MACROD2: variants seen among roughly 807,000 people sequenced by gnomAD.
The protein encoded by MACROD2 is ADP-ribose glycohydrolase MACROD2.
In MACROD2, 36 loss-of-function variants were observed where a neutral mutation model predicts 70.4. The ratio of observed to expected loss-of-function variants is 0.51; its 90% CI spans 0.39 to 0.68. The LOEUF is 0.68. MACROD2 is among the 30% of genes least tolerant of loss of function. The pLI is 0.00. For missense variants in MACROD2, 496 were observed against 538.4 expected (o/e 0.92, Z 0.78); for synonymous variants, 172 against 178.8 (o/e 0.96, Z 0.30).
intron 5 of MACROD2, among the ~76,000 whole-genome samples, chr20:14,780,894 A>C (rs1465318134): frequency 2.0e-5 from 3 of 152,132 alleles, no homozygotes; most frequent in African/African-American, 7.2e-5. Context: ...TTTTACAAAG[A>C]AACTTTTTTA....
At chr20:14,088,571 A>C (rs767123421) in intron 3 of MACROD2, among the ~76,000 whole-genome samples, 10 of 152,104 alleles carry the variant, frequency 6.6e-5, no homozygotes, top group African/African-American at 1.9e-4. Flanking sequence ...GATCATATCT[A>C]CTTCCTTTTT....
At chr20:16,029,695 A>G (rs1191815940) in intron 15 of MACROD2, among the ~76,000 whole-genome samples, 1 of 152,186 alleles carries the variant, frequency 6.6e-6, no homozygotes, top group Non-Finnish European at 1.5e-5. Context: ...AGGAGAGAAA[A>G]GGCCAAGGAA....
At chr20:14,778,074 C>A (rs2072255239) in intron 5 of MACROD2, among the ~76,000 whole-genome samples, 1 of 152,022 alleles carries the variant, frequency 6.6e-6, no homozygotes, top group Non-Finnish European at 1.5e-5. Context: ...CAACATGTTT[C>A]CCACAGATTG....
At chr20:15,977,599 A>T (rs1172476565) in intron 13 of MACROD2, among the ~76,000 whole-genome samples, 1 of 152,194 alleles carries the variant, frequency 6.6e-6, no homozygotes, top group Non-Finnish European at 1.5e-5. Flanking sequence ...GGTCCAATTA[A>T]ATAGACATTG....
At chr20:13,998,239 A>G (rs1286709405) in intron 1 of MACROD2, among the ~76,000 whole-genome samples, 1 of 152,030 alleles carries the variant, frequency 6.6e-6, no homozygotes, top group Non-Finnish European at 1.5e-5. Context: ...AGTTCTGAAG[A>G]CCACATATGT....
At chr20:14,223,012 T>C (rs566563138) in intron 3 of MACROD2, 1 of 152,322 alleles carries the variant, frequency 6.6e-6, no homozygotes, top group East Asian at 1.9e-4. Flanking sequence ...TAGGCTTTGC[T>C]TGCTCACATA....
chr20:15,692,684 G>A (rs1165025513), intron 8 of MACROD2, among the ~76,000 whole-genome samples: 1 of 152,116 alleles, frequency 6.6e-6, no homozygotes, highest in African/African-American at 2.4e-5. Context: ...AGGACCTCAA[G>A]TCCTAATGAC....
intron 4 of MACROD2, among the ~76,000 whole-genome samples, chr20:14,505,038 A>T (rs553590121): frequency 1.3e-5 from 2 of 152,204 alleles, no homozygotes; most frequent in African/African-American, 4.8e-5. Flanking sequence ...AAATGTATTC[A>T]TGTAGATATA....
At chr20:15,651,539 C>T (rs767339303) in intron 8 of MACROD2, among the ~76,000 whole-genome samples, 5 of 152,148 alleles carry the variant, frequency 3.3e-5, no homozygotes, top group Non-Finnish European at 7.4e-5. Flanking sequence ...TTAATCCAGG[C>T]TCTCAGCTCT....
At chr20:14,829,605 C>T (rs1043403356) in intron 5 of MACROD2, among the ~76,000 whole-genome samples, 7 of 151,930 alleles carry the variant, frequency 4.6e-5, no homozygotes, top group African/African-American at 1.7e-4. Flanking sequence ...GGAGCAGTAC[C>T]ATATTTAGAA....
At position 14,720,536 on chromosome 20, in the gene MACROD2, C is replaced by CTTTTTTTTTTTTTT. The variant is rs753673265; in HGVS notation, c.418+35598_418+35611dup. The stretch of plus-strand genomic sequence containing the variant: ...GTTTCATTTCCCAGCTGCCCCACAA[C>CTTTTTTTTTTTTTT]TTTTTTTTTTTTTTTTTTTTTTTTT... On this transcript the variant is annotated intron_variant, in intron 5 of 17. Coordinates refer to ENST00000684519, the MANE Select transcript of MACROD2 (RefSeq NM_001351661.2). 2.3e-3 allele frequency among the ~76,000 whole-genome samples: 81 copies of CTTTTTTTTTTTTTT among 35,944 alleles called. 22 individuals carry two copies. The highest frequency in any genetic ancestry group is 2.6e-3 in the African/African-American group (24 of 9,256). 23.6% of individuals were successfully genotyped at this position (35,944 alleles called of 152,430 possible).
At chr20:14,070,376 G>A (rs2053822144) in intron 2 of MACROD2, among the ~76,000 whole-genome samples, 1 of 152,008 alleles carries the variant, frequency 6.6e-6, no homozygotes, top group Admixed American at 6.6e-5. Context: ...AGGAGATGGA[G>A]GTGTGGAGAT....
chr20:15,220,780 G>A (rs915590946), intron 5 of MACROD2, among the ~76,000 whole-genome samples: 7 of 152,130 alleles, frequency 4.6e-5, no homozygotes, highest in Middle Eastern at 6.8e-3. Context: ...AATGGGGGGG[G>A]CTCTCCAGAA....
chr20:14,779,286 A>G (rs1411319909), intron 5 of MACROD2, among the ~76,000 whole-genome samples: 3 of 152,052 alleles, frequency 2.0e-5, no homozygotes, highest in African/African-American at 4.8e-5. Flanking sequence ...TCACGCTTTC[A>G]CTCTGTGTAA....
intron 12 of MACROD2, among the ~76,000 whole-genome samples, chr20:15,946,570 A>C (rs959846956): frequency 6.6e-5 from 10 of 151,944 alleles, no homozygotes; most frequent in African/African-American, 2.4e-4. Context: ...ATATTGTATC[A>C]ATATTAGTTA....
chr20:15,355,991 C>T (rs2078282862), intron 6 of MACROD2, among the ~76,000 whole-genome samples: 1 of 152,178 alleles, frequency 6.6e-6, no homozygotes, highest in Non-Finnish European at 1.5e-5. Context: ...CACTGGTGTT[C>T]TCACCTTCCT....
intron 5 of MACROD2, among the ~76,000 whole-genome samples, chr20:15,084,946 C>T (rs754906323): frequency 3.9e-5 from 6 of 152,080 alleles, no homozygotes; most frequent in Non-Finnish European, 7.4e-5. Flanking sequence ...CTCAGGGGAC[C>T]TAGAATAGCT....
chr20:15,562,411 T>G (rs1195549507), intron 8 of MACROD2, among the ~76,000 whole-genome samples: 2 of 152,212 alleles, frequency 1.3e-5, no homozygotes, highest in Non-Finnish European at 2.9e-5. Flanking sequence ...CAGCTATGAT[T>G]AGGTGCACCT....
At chr20:15,729,473 T>C (rs953759321) in intron 8 of MACROD2, among the ~76,000 whole-genome samples, 1 of 152,170 alleles carries the variant, frequency 6.6e-6, no homozygotes, top group Non-Finnish European at 1.5e-5. Flanking sequence ...TGTCTAATAA[T>C]GTCAGTGGGG....
Sources: allele counts gnomAD v4.1 joint callset (sites outside exome capture counted in the v4.1 genomes callset), GRCh38; gene constraint gnomAD v4.1.1; transcripts MANE v1.5; gene names NCBI Gene and HGNC (gene_info 2026-07-23, HGNC 2026-07-21).